The following TAFA5 variants were observed in gnomAD, a reference collection of about 807,000 sequenced individuals.
The protein encoded by TAFA5 is chemokine-like protein TAFA-5.
In TAFA5, 6 loss-of-function variants were observed where a neutral mutation model predicts 15.3. The observed-to-expected ratio is 0.39, with a 90% CI of 0.21 to 0.77. TAFA5 has a LOEUF of 0.77. Ranked by LOEUF, TAFA5 falls within the 30% of genes least tolerant of loss-of-function variation. The probability of loss-of-function intolerance (pLI) is 0.41; values close to 1 mark genes in which losing one functional copy is unlikely to be tolerated. For missense variants in TAFA5, 161 were observed against 193.1 expected, an observed-to-expected ratio of 0.83 and a Z score of 0.98; for synonymous variants, 103 against 80.7, an observed-to-expected ratio of 1.28 and a Z score of -1.48.
At chr22:48,545,189 T>G (rs4823805) in intron 1 of TAFA5, 205,543 of 295,344 alleles carry the variant, frequency 0.7, 72,017 homozygotes, top group East Asian at 0.79. Context: ...TGCCCTCCCC[T>G]CAGTCTTTCC....
At chr22:48,517,621 C>T (rs1029078097) in intron 1 of TAFA5, among the ~76,000 whole-genome samples, 2 of 152,186 alleles carry the variant, frequency 1.3e-5, no homozygotes, top group African/African-American at 4.8e-5. Context: ...TCTGATAGCC[C>T]GCCGGGCCCT....
chr22:48,602,509 A>G (rs904631262), intron 1 of TAFA5, among the ~76,000 whole-genome samples: 5 of 152,164 alleles, frequency 3.3e-5, no homozygotes, highest in Admixed American at 2.6e-4. Context: ...TTCCACCTTG[A>G]GTACCTCTCA....
In TAFA5 at chr22:48,573,297, C is replaced by T. The variant is rs571068375; in HGVS notation, c.113-73300C>T. On this transcript the variant is annotated intron_variant, in intron 1 of 3. Transcript: ENST00000402357. ...TTCTCTTCTGTCCAGAGACTGGGCC[C>T]AGGACCCCCTCACCCTTTCTGGCTT... Among the ~76,000 whole-genome samples the T allele has an allele frequency of 2.2e-4, 33 of 152,352 alleles. 1 individual carries two copies. Among genetic ancestry groups the T allele is most frequent in the African/African-American group, 6.0e-4 (25 of 41,594 alleles).
chr22:48,493,497 G>C (rs1928225115), intron 1 of TAFA5, among the ~76,000 whole-genome samples: 3 of 152,222 alleles, frequency 2.0e-5, no homozygotes, highest in South Asian at 2.1e-4. Flanking sequence ...ATTAGAATAT[G>C]TTACTTTCCT....
At chr22:48,503,367 T>A (rs1601837299) in intron 1 of TAFA5, among the ~76,000 whole-genome samples, 1 of 152,374 alleles carries the variant, frequency 6.6e-6, no homozygotes, top group East Asian at 1.9e-4. Flanking sequence ...TTTGGCCTGG[T>A]GTCCCTCTTG....
Position 48,619,740 on chromosome 22 carries a change from C to T in TAFA5, c.113-26857C>T, listed in dbSNP as rs184424058. Among the ~76,000 whole-genome samples, 5 of 152,364 alleles carry T rather than the reference C, an allele frequency of 3.3e-5. No individual in the cohort carries two copies. The East Asian group carries it at 5.8e-4, about 18-fold the overall frequency. On this transcript the variant is annotated intron_variant, in intron 1 of 3. Coordinates refer to ENST00000402357, the MANE Select transcript of TAFA5 (RefSeq NM_001082967.3). ...CCTCAGTCTGGCAGCATGGGCGTCACGCTGCCTGCCGGGCAGAGCCCTTTG... is the reference window on the plus strand; with the variant it reads ...CCTCAGTCTGGCAGCATGGGCGTCATGCTGCCTGCCGGGCAGAGCCCTTTG...
chr22:48,576,342 TCG>T (rs1278485752), intron 1 of TAFA5: 3 of 1,157,606 alleles, frequency 2.6e-6, no homozygotes, highest in Non-Finnish European at 3.2e-6. Flanking sequence ...GCGCCTCCAG[TCG>T]CGGCGGAGCG....
chr22:48,621,808 G>A (rs911719766), intron 1 of TAFA5, among the ~76,000 whole-genome samples: 7 of 152,150 alleles, frequency 4.6e-5, no homozygotes, highest in Non-Finnish European at 8.8e-5. Context: ...GCCCTGTGAT[G>A]CTGAGAGCCC....
intron 1 of TAFA5, among the ~76,000 whole-genome samples, chr22:48,502,075 T>C (rs762108306): frequency 1.3e-5 from 2 of 152,264 alleles, no homozygotes; most frequent in Non-Finnish European, 2.9e-5. Flanking sequence ...ACCCGCTGTC[T>C]CTACCATGAC....
intron 1 of TAFA5, among the ~76,000 whole-genome samples, chr22:48,559,612 T>A (rs1923156766): frequency 6.6e-6 from 1 of 151,214 alleles, no homozygotes; most frequent in African/African-American, 2.4e-5. Context: ...CGAGAGGGCT[T>A]TTCTGGGGCA....
intron 2 of TAFA5, among the ~76,000 whole-genome samples, chr22:48,665,207 G>A (rs537823715): frequency 6.6e-6 from 1 of 152,294 alleles, no homozygotes; most frequent in East Asian, 1.9e-4. Flanking sequence ...TGGCCCAATA[G>A]CTGCTTTTTA....
intron 1 of TAFA5, among the ~76,000 whole-genome samples, chr22:48,521,320 G>A (rs1006586706): frequency 6.6e-6 from 1 of 152,160 alleles, no homozygotes; most frequent in Non-Finnish European, 1.5e-5. Flanking sequence ...AGTGAGGAGT[G>A]GAAGGTTCCA....
At chr22:48,510,878 A>G (rs1921186242) in intron 1 of TAFA5, among the ~76,000 whole-genome samples, 1 of 152,194 alleles carries the variant, frequency 6.6e-6, no homozygotes, top group Non-Finnish European at 1.5e-5. Context: ...TCCTTCCCAC[A>G]CTCAAAAGCA....
intron 1 of TAFA5, among the ~76,000 whole-genome samples, chr22:48,591,071 T>G (rs1393551954): frequency 6.6e-6 from 1 of 152,166 alleles, no homozygotes; most frequent in Admixed American, 6.5e-5. Flanking sequence ...GGGTTGGTCT[T>G]GAACTCCTGA....
intron 3 of TAFA5, among the ~76,000 whole-genome samples, chr22:48,739,843 C>T (rs927123536): frequency 3.9e-5 from 6 of 152,120 alleles, no homozygotes; most frequent in Admixed American, 3.3e-4. Context: ...GTGCATTTGC[C>T]GTGCACAGCT....
intron 1 of TAFA5, among the ~76,000 whole-genome samples, chr22:48,521,507 A>G (rs1921599806): frequency 1.3e-5 from 2 of 151,990 alleles, no homozygotes; most frequent in Non-Finnish European, 2.9e-5. Flanking sequence ...AAAAAGCACA[A>G]GATAATCACC....
intron 1 of TAFA5, among the ~76,000 whole-genome samples, chr22:48,584,726 C>A (rs564180800): frequency 6.8e-6 from 1 of 148,054 alleles, no homozygotes; most frequent in East Asian, 2.0e-4. Flanking sequence ...ACACCCCACA[C>A]GCACCATATA....
intron 2 of TAFA5, among the ~76,000 whole-genome samples, chr22:48,695,462 T>C (rs997242273): frequency 5.9e-5 from 9 of 152,148 alleles, no homozygotes; most frequent in Non-Finnish European, 2.9e-5. Flanking sequence ...TTAATGGAAA[T>C]GAGGAAAGTT....
intron 1 of TAFA5, among the ~76,000 whole-genome samples, chr22:48,523,744 A>T (rs992912379): frequency 6.6e-6 from 1 of 152,208 alleles, no homozygotes; most frequent in African/African-American, 2.4e-5. Flanking sequence ...GCCCAGACTT[A>T]CTACCAAGAG....
Sources: allele counts gnomAD v4.1 joint callset (sites outside exome capture counted in the v4.1 genomes callset), GRCh38; gene constraint gnomAD v4.1.1; transcripts MANE v1.5; gene names NCBI Gene and HGNC (gene_info 2026-07-23, HGNC 2026-07-21).